Variants in TTC23 observed in about 807,000 individuals in gnomAD.
TTC23 encodes the protein tetratricopeptide repeat protein 23.
TTC23 carries 58 observed loss-of-function variants against 55.1 expected under a neutral mutation model. The ratio of observed to expected loss-of-function variants is 1.05; its 90% CI spans 0.85 to 1.31. The LOEUF is 1.31. TTC23 is among the 50% of genes most tolerant of loss of function. TTC23 has a pLI of 0.00. For missense variants in TTC23, 516 were observed against 534.4 expected, an observed-to-expected ratio of 0.97 and a Z score of 0.34; for synonymous variants, 203 against 199.9, an observed-to-expected ratio of 1.02 and a Z score of -0.13.
rs1451783999 is a variant in TTC23, at chr15:99,187,469, C to CAAA, written c.760-12317_760-12315dup. Among the ~76,000 whole-genome samples, 30 of 110,650 alleles carry CAAA rather than the reference C, an allele frequency of 2.7e-4. 4 individuals are homozygous for CAAA. The highest frequency in any genetic ancestry group is 9.0e-4 in the African/African-American group (26 of 28,918). The allele number at this position is 110,650 out of a possible 152,430, so 72.6% of individuals were successfully genotyped here. A position where few individuals can be genotyped will look rare whatever the true frequency, so the allele number is the denominator to read the frequency against. On this transcript the variant is annotated intron_variant, in intron 9 of 13. Transcript: ENST00000394132. ...AGCACAAGCAAAAAAAAAAAAAAAACAAAACAAAAGAAACCCAACATAGAC... is the reference window on the plus strand; with the variant it reads ...AGCACAAGCAAAAAAAAAAAAAAAACAAAAAAACAAAAGAAACCCAACATAGAC...
intron 9 of TTC23, among the ~76,000 whole-genome samples, chr15:99,178,889 C>T (rs576140568): frequency 1.3e-5 from 2 of 152,200 alleles, no homozygotes; most frequent in African/African-American, 4.8e-5. Flanking sequence ...TTTGCTATAA[C>T]CAGAAAGAAG....
intron 3 of TTC23, among the ~76,000 whole-genome samples, chr15:99,237,280 C>A (rs1025095244): frequency 1.3e-5 from 2 of 152,010 alleles, no homozygotes; most frequent in Admixed American, 6.6e-5. Flanking sequence ...CCATGCCCAG[C>A]CAATTCCTAA....
chr15:99,179,442 T>C (rs912073049), intron 9 of TTC23, among the ~76,000 whole-genome samples: 4 of 152,232 alleles, frequency 2.6e-5, no homozygotes, highest in Non-Finnish European at 4.4e-5. Flanking sequence ...TGCCCTCCAC[T>C]GATGCATTAA....
At chr15:99,231,980 C>T (rs967133942) in intron 4 of TTC23, among the ~76,000 whole-genome samples, 8 of 150,192 alleles carry the variant, frequency 5.3e-5, no homozygotes, top group African/African-American at 9.8e-5. Context: ...TTAGTAGAGA[C>T]GGGGTTTCTC....
intron 9 of TTC23, among the ~76,000 whole-genome samples, chr15:99,177,588 C>T (rs1318019553): frequency 6.6e-6 from 1 of 152,164 alleles, no homozygotes; most frequent in Non-Finnish European, 1.5e-5. Context: ...TTTGCTTTTC[C>T]CCTACTATCT....
intron 4 of TTC23, among the ~76,000 whole-genome samples, chr15:99,229,022 T>C (rs965141630): frequency 3.3e-5 from 5 of 152,032 alleles, no homozygotes; most frequent in African/African-American, 1.2e-4. Flanking sequence ...ATTACACACA[T>C]ACATACATAC....
chr15:99,214,293 G>A lies in TTC23; in HGVS notation c.581+4295C>T, dbSNP rs1176889603. Among the ~76,000 whole-genome samples the A allele has an allele frequency of 2.0e-5, 3 of 151,876 alleles. No individual in the cohort carries two copies. In the East Asian group the frequency reaches 5.8e-4, roughly 29 times the overall value. On this transcript the variant is annotated intron_variant, in intron 8 of 13. Transcript: ENST00000394132. Reference sequence around the variant, plus strand: ...GAGGCCGAGGTGGGCACATCACAAGGTCAAGAGATCGAGACCATCCTGGCT... The same window carrying A: ...GAGGCCGAGGTGGGCACATCACAAGATCAAGAGATCGAGACCATCCTGGCT...
intron 12 of TTC23, chr15:99,140,871 T>C (rs1264563140): frequency 2.0e-5 from 3 of 152,168 alleles, no homozygotes; most frequent in African/African-American, 7.2e-5. Flanking sequence ...ACATTCAGAA[T>C]ACATGAAGAA....
chr15:99,224,927 CCTTTTTATTGCCT>C (rs1567532372), intron 5 of TTC23, among the ~76,000 whole-genome samples: 1 of 152,166 alleles, frequency 6.6e-6, no homozygotes, highest in East Asian at 1.9e-4. Context: ...TTGGGAATCA[CCTTTTTATTGCCT>C]CTAGACACAG....
intron 9 of TTC23, among the ~76,000 whole-genome samples, chr15:99,176,385 G>C (rs2073555608): frequency 6.6e-6 from 1 of 152,148 alleles, no homozygotes; most frequent in African/African-American, 2.4e-5. Flanking sequence ...ACTGAGGCTG[G>C]AGATTGCTAG....
At chr15:99,189,318 T>A (rs892227256) in intron 9 of TTC23, among the ~76,000 whole-genome samples, 1 of 152,186 alleles carries the variant, frequency 6.6e-6, no homozygotes, top group African/African-American at 2.4e-5. Context: ...AATGGTAGAA[T>A]GGAAAATAAT....
intron 9 of TTC23, among the ~76,000 whole-genome samples, chr15:99,192,706 C>T (rs1271455206): frequency 6.6e-6 from 1 of 152,204 alleles, no homozygotes; most frequent in Non-Finnish European, 1.5e-5. Context: ...AGCCACCACA[C>T]AGGGTCCCTA....
rs185777375 is a variant in TTC23, at chr15:99,230,384, G to C, written c.-20-1652C>G. Among the ~76,000 whole-genome samples, 12 of 152,192 alleles carry C rather than the reference G, an allele frequency of 7.9e-5. No homozygotes were observed. The East Asian group carries it at 2.3e-3, about 29-fold the overall frequency. On this transcript the variant is annotated intron_variant, in intron 4 of 13. Transcript: ENST00000394132. Reference sequence around the variant, plus strand: ...CAACTTCAAGTTGCCTAATATATATGTCATTTGAGTCCCTAAAGAAAAGCA... The same window carrying C: ...CAACTTCAAGTTGCCTAATATATATCTCATTTGAGTCCCTAAAGAAAAGCA...
chr15:99,198,383 C>G (rs1218755942), intron 9 of TTC23, among the ~76,000 whole-genome samples: 1 of 152,206 alleles, frequency 6.6e-6, no homozygotes, highest in Non-Finnish European at 1.5e-5. Context: ...CACATCCAAT[C>G]AATCTCCATG....
At chr15:99,142,959 A>C (rs1555491206) in intron 12 of TTC23, among the ~76,000 whole-genome samples, 2 of 151,948 alleles carry the variant, frequency 1.3e-5, no homozygotes, top group Non-Finnish European at 2.9e-5. Flanking sequence ...TCAAAACTCA[A>C]CTCTTCCTGG....
intron 5 of TTC23, among the ~76,000 whole-genome samples, chr15:99,223,923 T>C (rs1474632837): frequency 6.6e-6 from 1 of 152,002 alleles, no homozygotes; most frequent in Non-Finnish European, 1.5e-5. Context: ...GCTGAAGGGG[T>C]CAAAGCAGAG....
intron 8 of TTC23, among the ~76,000 whole-genome samples, chr15:99,210,832 C>T (rs1333212649): frequency 6.6e-6 from 1 of 152,094 alleles, no homozygotes; most frequent in Non-Finnish European, 1.5e-5. Flanking sequence ...ATTTCTGGAG[C>T]AGCTTATGGA....
intron 2 of TTC23, among the ~76,000 whole-genome samples, chr15:99,242,125 CT>C (rs2079858443): frequency 7.6e-6 from 1 of 131,976 alleles, no homozygotes; most frequent in Non-Finnish European, 1.6e-5. Context: ...GAACAAGATC[CT>C]GTCTCAGAAA....
intron 12 of TTC23, among the ~76,000 whole-genome samples, chr15:99,150,228 A>T (rs1448889957): frequency 6.6e-6 from 1 of 152,220 alleles, no homozygotes; most frequent in Non-Finnish European, 1.5e-5. Context: ...AAACTGTGGG[A>T]TGGAAGGAGG....
Sources: allele counts gnomAD v4.1 joint callset (sites outside exome capture counted in the v4.1 genomes callset), GRCh38; gene constraint gnomAD v4.1.1; transcripts MANE v1.5; gene names NCBI Gene and HGNC (gene_info 2026-07-23, HGNC 2026-07-21).